POTEI: variants seen among roughly 807,000 people sequenced by gnomAD.
POTEI encodes the protein POTE ankyrin domain family, member I.
Under a neutral mutation model 43.4 loss-of-function variants are expected in POTEI, and 14 were observed. That is an observed-to-expected ratio of 0.32 (90% confidence interval 0.21 to 0.50). The LOEUF (loss-of-function observed/expected upper bound fraction) is 0.50, where lower values mean the gene tolerates loss of function less well. POTEI is among the 20% of genes least tolerant of loss of function. The pLI is 0.98. For synonymous variants in POTEI, 95 were observed against 297.9 expected (o/e 0.32, Z 7.01); for missense variants, 235 against 795.4 (o/e 0.30, Z 8.47).
At chr2:130,464,620 G>T (rs1010837415) in intron 14 of POTEI, among the ~76,000 whole-genome samples, 11 of 151,182 alleles carry the variant, frequency 7.3e-5, no homozygotes, top group Admixed American at 7.2e-4. Flanking sequence ...ATTTCTCAAA[G>T]TTCTTAAAGT....
Position 130,508,867 on chromosome 2 carries a change from G to C in POTEI, c.369C>G (p.Tyr123Ter), listed in dbSNP as rs774806248. 5.1e-6 allele frequency: 8 copies of C among 1,578,406 alleles called. No individual in the cohort carries two copies. Among genetic ancestry groups the C allele is most frequent in the South Asian group, 1.1e-5 (1 of 88,050 alleles). The change falls in exon 1 of 15, where the codon TAC becomes TAG. Residue 123 changes from tyrosine (Y) to a stop codon, truncating the protein, a stop_gained. Coordinates refer to ENST00000451531, the MANE Select transcript of POTEI (RefSeq NM_001277406.2). LOFTEE classifies it high-confidence loss of function. ...GKSNVGAWGDYDDSAFVEPRY... is the reference protein window; with the variant it reads ...GKSNVGAWGD ...TCGGCTCCACGAAGGCGCTGTCGTC[G>C]TAGTCTCCCCAAGCACCCACGTTGC...
At position 130,460,218 on chromosome 2, in the gene POTEI, C is replaced by A. The variant is rs993887531; in HGVS notation, c.*2598G>T. ...GGAGAGGCGAGCAGACTAAGGAGTG[C>A]TGAGATCAGACCAGCCCCATCTCAA... On this transcript the variant is annotated 3_prime_UTR_variant, in exon 15 of 15. Transcript: ENST00000451531. 6.6e-6 allele frequency: 1 copy of A among 151,344 alleles called. No homozygotes were observed. The highest frequency in any genetic ancestry group is 1.5e-5 in the Non-Finnish European group (1 of 68,004). The allele number at this position is 151,344 out of a possible 1,614,324, so 9.4% of individuals were successfully genotyped here.
At chr2:130,464,709 A>G (rs1682783161) in intron 14 of POTEI, among the ~76,000 whole-genome samples, 1 of 150,000 alleles carries the variant, frequency 6.7e-6, no homozygotes, top group African/African-American at 2.4e-5. Flanking sequence ...ACATTTATTT[A>G]TAACTGTCAA....
chr2:130,468,829 A>C (rs1239461682), intron 13 of POTEI, among the ~76,000 whole-genome samples: 6 of 152,216 alleles, frequency 3.9e-5, no homozygotes, highest in Non-Finnish European at 5.9e-5. Flanking sequence ...TTCACTTTTA[A>C]CCTATTCAGT....
intron 10 of POTEI, among the ~76,000 whole-genome samples, chr2:130,479,625 C>T (rs1289389516): frequency 4.0e-5 from 2 of 49,490 alleles, no homozygotes; most frequent in Non-Finnish European, 7.9e-5. Context: ...CAGCAGACAA[C>T]AGCAGGGTTA....
At chr2:130,504,842 TA>T (rs1328631403) in intron 1 of POTEI, among the ~76,000 whole-genome samples, 16 of 146,226 alleles carry the variant, frequency 1.1e-4, no homozygotes, top group African/African-American at 4.0e-4. Context: ...CAATCATTCA[TA>T]TTAGGATTTA....
intron 14 of POTEI, among the ~76,000 whole-genome samples, chr2:130,464,899 C>A (rs1682790105): frequency 1.3e-5 from 2 of 151,148 alleles, no homozygotes; most frequent in African/African-American, 4.8e-5. Context: ...CACAAAACCA[C>A]ACTTACTTCT....
intron 6 of POTEI, among the ~76,000 whole-genome samples, chr2:130,496,224 T>C (rs6706762): frequency 0.034 from 2,271 of 66,680 alleles, 9 homozygotes; most frequent in African/African-American, 0.078. Flanking sequence ...ATCTGAGGGA[T>C]CTAGGTTGTG....
intron 9 of POTEI, among the ~76,000 whole-genome samples, chr2:130,482,478 CA>C (rs971346302): frequency 3.3e-5 from 5 of 150,516 alleles, no homozygotes; most frequent in Admixed American, 2.0e-4. Context: ...AATGATTTAA[CA>C]AGATAACATT....
chr2:130,509,335 G>A, upstream of POTEI: 1 of 567,426 alleles, frequency 1.8e-6, no homozygotes, highest in Non-Finnish European at 2.8e-6. Flanking sequence ...CAATCTGTTT[G>A]AAGAGAAAAG....
intron 6 of POTEI, among the ~76,000 whole-genome samples, chr2:130,492,984 ACT>A (rs1683802728): frequency 6.7e-6 from 1 of 150,104 alleles, no homozygotes; most frequent in South Asian, 2.1e-4. Flanking sequence ...TACAAAAAAC[ACT>A]CTTTCTCTTT....
At position 130,460,935 on chromosome 2, in the gene POTEI, T is replaced by C. The variant is rs1161653685; in HGVS notation, c.*1881A>G. ...TGGCTAGAGACCCAGGCCAGGAGGATCTGCCCATCAAGTAGAGAGCCTGGC... is the reference window on the plus strand; with the variant it reads ...TGGCTAGAGACCCAGGCCAGGAGGACCTGCCCATCAAGTAGAGAGCCTGGC... On this transcript the variant is annotated 3_prime_UTR_variant, in exon 15 of 15. Coordinates refer to ENST00000451531, the MANE Select transcript of POTEI (RefSeq NM_001277406.2). 1 of 145,256 alleles carries C rather than the reference T, an allele frequency of 6.9e-6. No individual in the cohort carries two copies. The highest frequency in any genetic ancestry group is 6.7e-5 in the Admixed American group (1 of 15,014). The allele number at this position is 145,256 out of a possible 1,614,324, so 9.0% of individuals were successfully genotyped here. A position where few individuals can be genotyped will look rare whatever the true frequency, so the allele number is the denominator to read the frequency against.
intron 6 of POTEI, among the ~76,000 whole-genome samples, chr2:130,491,291 T>C (rs1401492126): frequency 1.8e-5 from 2 of 113,452 alleles, no homozygotes; most frequent in African/African-American, 3.0e-5. Context: ...TACAAATGCA[T>C]ATTATTTGCA....
chr2:130,483,596 C>CGTGTT (rs1683472782), intron 9 of POTEI, among the ~76,000 whole-genome samples: 1 of 16,558 alleles, frequency 6.0e-5, no homozygotes, highest in Non-Finnish European at 1.6e-4. Context: ...CCATGTCAAA[C>CGTGTT]TTGTTTTTTT....
intron 6 of POTEI, among the ~76,000 whole-genome samples, chr2:130,491,467 C>T (rs537641357): frequency 1.5e-5 from 2 of 133,776 alleles, no homozygotes; most frequent in East Asian, 2.4e-4. Context: ...ATCCGCTGAG[C>T]TGGTGCGAAC....
chr2:130,478,662 T>C lies in POTEI; in HGVS notation c.1481-1961A>G, dbSNP rs1265846703. 4.0e-3 allele frequency among the ~76,000 whole-genome samples: 513 copies of C among 126,962 alleles called. 4 individuals carry two copies. The highest frequency in any genetic ancestry group is 0.016 in the African/African-American group (460 of 28,244). 83.3% of individuals were successfully genotyped at this position (126,962 alleles called of 152,430 possible). A position where few individuals can be genotyped will look rare whatever the true frequency, so the allele number is the denominator to read the frequency against. ...CCGAATTTGCTGTGCTGCCTTCATA[T>C]GCTCCTTGCTCTTTCTTTTCTGGCA... On this transcript the variant is annotated intron_variant, in intron 10 of 14. Coordinates refer to ENST00000451531, the MANE Select transcript of POTEI (RefSeq NM_001277406.2).
At chr2:130,483,902 G>T (rs1307402969) in intron 9 of POTEI, among the ~76,000 whole-genome samples, 2 of 150,698 alleles carry the variant, frequency 1.3e-5, no homozygotes, top group Non-Finnish European at 2.9e-5. Flanking sequence ...TTTTTAAAGT[G>T]AGAATCAATC....
At chr2:130,491,785 G>T (rs1378515414) in intron 6 of POTEI, among the ~76,000 whole-genome samples, 2 of 106,748 alleles carry the variant, frequency 1.9e-5, no homozygotes, top group African/African-American at 3.0e-5. Flanking sequence ...CTCCGGAGAA[G>T]CTGGGATTAC....
chr2:130,507,312 A>ATG (rs1684199378), intron 1 of POTEI, among the ~76,000 whole-genome samples: 6 of 7,362 alleles, frequency 8.1e-4, no homozygotes, highest in African/African-American at 1.0e-3. Flanking sequence ...ATATATATAT[A>ATG]TATATACACA....
Sources: gnomAD v4.1 joint callset for allele counts (sites outside exome capture counted in the v4.1 genomes callset) on GRCh38, gnomAD v4.1.1 for gene constraint, MANE v1.5 for transcripts, NCBI Gene and HGNC (gene_info 2026-07-23, HGNC 2026-07-21) for gene names.